Variants in SEL1L3 observed in about 807,000 individuals in gnomAD.
SEL1L3 encodes the protein protein sel-1 homolog 3.
A neutral mutation model predicts 142.8 loss-of-function variants in SEL1L3; 76 were observed. The ratio of observed to expected loss-of-function variants is 0.53; its 90% CI spans 0.44 to 0.64. SEL1L3 has a LOEUF of 0.64. Among genes scored for constraint, SEL1L3 ranks in the 30% least tolerant of loss-of-function variants. The pLI, the probability that SEL1L3 is intolerant of heterozygous loss-of-function variation, is 0.00. For synonymous variants in SEL1L3, 504 were observed against 519.6 expected, an observed-to-expected ratio of 0.97 and a Z score of 0.41; for missense variants, 1,262 against 1,381.7, an observed-to-expected ratio of 0.91 and a Z score of 1.37.
At chr4:25,763,950 G>T (rs1314479939) in intron 20 of SEL1L3, among the ~76,000 whole-genome samples, 1 of 152,164 alleles carries the variant, frequency 6.6e-6, no homozygotes, top group African/African-American at 2.4e-5. Context: ...CCAGAAATAC[G>T]TTGCAGCAGA....
rs145948700 is a variant in SEL1L3 at position 25,794,707 on chromosome 4, T to C, written c.1957-4133A>G. On this transcript the variant is annotated intron_variant, in intron 11 of 23. Transcript: ENST00000399878. The stretch of plus-strand genomic sequence containing the variant: ...AATAACATTTGACCCAGCAATCCCA[T>C]TACCGGGTATATATCCAAAGGAATA... Among the ~76,000 whole-genome samples the C allele has an allele frequency of 3.8e-3, 583 of 152,262 alleles. 6 individuals are homozygous for C. The highest frequency in any genetic ancestry group is 0.014 in the African/African-American group (564 of 41,538).
At chr4:25,826,664 TG>T (rs1189454699) in intron 6 of SEL1L3, among the ~76,000 whole-genome samples, 1 of 152,052 alleles carries the variant, frequency 6.6e-6, no homozygotes, top group East Asian at 1.9e-4. Flanking sequence ...CTAGCTTTTT[TG>T]GTTTGTTTTG....
At chr4:25,790,321 T>C (rs1374146790) in intron 12 of SEL1L3, 134 bp downstream of exon 12, 13 of 833,604 alleles carry the variant, frequency 1.6e-5, no homozygotes, top group Middle Eastern at 2.4e-4. Context: ...ACAACCCCTA[T>C]TGGACATGCA....
At chr4:25,715,093 C>A in the SEL1L3 span, among the ~76,000 whole-genome samples, 1 of 152,058 alleles carries the variant, frequency 6.6e-6, no homozygotes, top group Non-Finnish European at 1.5e-5. Flanking sequence ...AGCAATAATT[C>A]GATAGAAACA....
intron 5 of SEL1L3, among the ~76,000 whole-genome samples, chr4:25,832,324 A>AC (rs1454021364): frequency 2.0e-5 from 3 of 152,344 alleles, no homozygotes; most frequent in Non-Finnish European, 4.4e-5. Flanking sequence ...TGATGAGAAA[A>AC]CAAAGCAACC....
In SEL1L3 at chr4:25,804,608, T is replaced by C. The variant is rs1168787939; in HGVS notation, c.1709A>G (p.His570Arg). 6.2e-7 allele frequency: 1 copy of C among 1,613,920 alleles called. No individual in the cohort carries two copies. Among genetic ancestry groups the C allele is most frequent in the Non-Finnish European group, 8.5e-7 (1 of 1,179,812 alleles). Residue 570 changes from histidine to arginine, a missense_variant, in exon 10 of 24, where the codon CAT becomes CGT. His to Arg is a conservative substitution (Grantham distance 29, BLOSUM62 0). Transcript: ENST00000399878. ...GACTGCAAGGTAGTAGGATGCTTTA[T>C]GGTATCCACAGCAGCTGGAATCCGT... ...FLTDSSCCGY[H>R]KASYYLAVFY...
chr4:25,728,697 C>T, the SEL1L3 span, among the ~76,000 whole-genome samples: 1 of 151,764 alleles, frequency 6.6e-6, no homozygotes, highest in South Asian at 2.1e-4. Context: ...GAGGCTGAAG[C>T]GGGAGGATCA....
the SEL1L3 span, among the ~76,000 whole-genome samples, chr4:25,717,298 T>C: frequency 5.3e-5 from 8 of 152,330 alleles, no homozygotes; most frequent in African/African-American, 1.9e-4. Flanking sequence ...AACTAGGTTT[T>C]TTTCTACCAC....
At chr4:25,834,598 G>A (rs1715667795) in intron 3 of SEL1L3, among the ~76,000 whole-genome samples, 1 of 152,176 alleles carries the variant, frequency 6.6e-6, no homozygotes, top group African/African-American at 2.4e-5. Context: ...ACCCAGCTGA[G>A]CAAGCTCATG....
intron 17 of SEL1L3, among the ~76,000 whole-genome samples, chr4:25,773,840 A>G (rs947772115): frequency 2.0e-5 from 3 of 152,138 alleles, no homozygotes; most frequent in African/African-American, 4.8e-5. Context: ...AATTCCCTAC[A>G]CCATAAATGC....
chr4:25,859,074 T>C (rs1177494688), intron 1 of SEL1L3, among the ~76,000 whole-genome samples: 1 of 152,246 alleles, frequency 6.6e-6, no homozygotes, highest in African/African-American at 2.4e-5. Flanking sequence ...TTTCTGGAAG[T>C]GCCATTATCA....
downstream of SEL1L3, among the ~76,000 whole-genome samples, chr4:25,744,093 C>T (rs1717190824): frequency 2.0e-5 from 3 of 152,124 alleles, no homozygotes; most frequent in Non-Finnish European, 2.9e-5. Flanking sequence ...GACCCTAGAA[C>T]CATGTCAGCA....
At chr4:25,742,850 C>A (rs10019235), downstream of SEL1L3, among the ~76,000 whole-genome samples, 181 of 152,262 alleles carry the variant, frequency 1.2e-3, 1 homozygote, top group African/African-American at 3.9e-3. Context: ...CTCCCTCTAT[C>A]AGGCAGCAGA....
chr4:25,736,319 T>G, the SEL1L3 span, among the ~76,000 whole-genome samples: 70,359 of 150,372 alleles, frequency 0.47, 16,924 homozygotes, highest in East Asian at 0.67. Context: ...CGCCTCCTGG[T>G]TTCAAGCAAT....
rs371273437 is a variant in SEL1L3 at position 25,757,809 on chromosome 4, G to C, written c.3084-19C>G. 9.7e-6 allele frequency: 15 copies of C among 1,548,334 alleles called. No homozygotes were observed. Among genetic ancestry groups the C allele is most frequent in the Non-Finnish European group, 1.3e-5 (15 of 1,142,620 alleles). On this transcript the variant is annotated intron_variant, in intron 21 of 23. Transcript: ENST00000399878. ...CCAGCACCTGCAGACAAAGCCCAGG[G>C]CATCTTGACGTGTCAGCCAACTTTG...
the SEL1L3 span, among the ~76,000 whole-genome samples, chr4:25,721,218 T>TC: frequency 6.6e-6 from 1 of 151,552 alleles, no homozygotes; most frequent in African/African-American, 2.4e-5. Context: ...TTGGAACTTT[T>TC]TTTTTTTAAT....
chr4:25,809,834 G>A (rs1713897243), intron 9 of SEL1L3, among the ~76,000 whole-genome samples: 1 of 152,158 alleles, frequency 6.6e-6, no homozygotes, highest in South Asian at 2.1e-4. Context: ...AAAGGAAACA[G>A]TATCCCGATG....
chr4:25,735,978 C>T, the SEL1L3 span, among the ~76,000 whole-genome samples: 10 of 151,210 alleles, frequency 6.6e-5, no homozygotes, highest in African/African-American at 1.5e-4. Context: ...TGCAGGCGCC[C>T]GCCACCACGC....
At chr4:25,758,878 A>G in intron 21 of SEL1L3, 63 bp downstream of exon 21, 1 of 1,518,026 alleles carries the variant, frequency 6.6e-7, no homozygotes, top group East Asian at 2.3e-5. Context: ...ACTTTAACCA[A>G]GAAGCGAACA....
Sources: allele counts gnomAD v4.1 joint callset (sites outside exome capture counted in the v4.1 genomes callset), GRCh38; gene constraint gnomAD v4.1.1; transcripts MANE v1.5; gene names NCBI Gene and HGNC (gene_info 2026-07-23, HGNC 2026-07-21).